The following FAM120A variants were observed in gnomAD, a reference collection of about 807,000 sequenced individuals.
FAM120A encodes the protein family with sequence similarity 120 member A, also known as constitutive coactivator of PPAR-gamma-like protein 1.
A neutral mutation model predicts 109.7 loss-of-function variants in FAM120A; 15 were observed. The observed-to-expected ratio is 0.14, with a 90% CI of 0.09 to 0.21. The LOEUF is 0.21. Ranked by LOEUF, FAM120A falls within the 10% of genes least tolerant of loss-of-function variation. FAM120A has a pLI of 1.00. For missense variants in FAM120A, 899 were observed against 1,439.3 expected, an observed-to-expected ratio of 0.62 and a Z score of 6.07; for synonymous variants, 493 against 572.8, an observed-to-expected ratio of 0.86 and a Z score of 1.99.
At chr9:93,537,810 A>G (rs1861571048) in intron 10 of FAM120A, among the ~76,000 whole-genome samples, 1 of 152,232 alleles carries the variant, frequency 6.6e-6, no homozygotes, top group African/African-American at 2.4e-5. Context: ...TGCTGATTTA[A>G]TATTGTGAAA....
At position 93,532,004 on chromosome 9, in the gene FAM120A, A is replaced by G. The variant is rs1861348174; in HGVS notation, c.1735-151A>G. The G allele has an allele frequency of 1.3e-6, 1 of 740,866 alleles. No homozygotes were observed. The highest frequency in any genetic ancestry group is 2.2e-6 in the Non-Finnish European group (1 of 448,322). The allele number at this position is 740,866 out of a possible 1,614,324, so 45.9% of individuals were successfully genotyped here. ...ACAGCCTGCCAAATGAACTCTTCCT[A>G]AACATCTTTATTTAGGCAAGTTGTT... On this transcript the variant is annotated intron_variant, in intron 9 of 17. Coordinates refer to ENST00000277165, the MANE Select transcript of FAM120A (RefSeq NM_014612.5). The surrounding 1 kb of genome is among the most constrained non-coding windows in gnomAD (Gnocchi z 4.3).
intron 12 of FAM120A, among the ~76,000 whole-genome samples, chr9:93,552,305 T>G (rs761436667): frequency 1.3e-4 from 20 of 152,224 alleles, no homozygotes; most frequent in Admixed American, 2.6e-4. Context: ...TTTGGTTCTT[T>G]TGAGATCTTA....
chr9:93,499,996 GGCCTGTGCCGAT>G (rs1284901086), intron 5 of FAM120A, among the ~76,000 whole-genome samples: 29 of 152,346 alleles, frequency 1.9e-4, no homozygotes, highest in Admixed American at 1.4e-3. Context: ...AGGGAAACAT[GGCCTGTGCCGAT>G]GCCCTGTAAT....
intron 1 of FAM120A, 55 bp from the exon 2 acceptor site, chr9:93,471,086 G>A: frequency 6.3e-7 from 1 of 1,580,516 alleles, no homozygotes; most frequent in Non-Finnish European, 8.6e-7. Context: ...TGCTTATTGA[G>A]CTTGTTGCTA....
chr9:93,493,752 G>C lies in FAM120A; in HGVS notation c.805-3719G>C, dbSNP rs1588837483. On this transcript the variant is annotated intron_variant, in intron 3 of 17. Coordinates refer to ENST00000277165, the MANE Select transcript of FAM120A (RefSeq NM_014612.5). ...CTGGGGGCCCAGTGTCCTCCTGGGG[G>C]CTTTCAGGCCCTGTGGGTTTTGGGC... is the stretch of plus-strand genomic sequence containing the variant. 2.6e-5 allele frequency among the ~76,000 whole-genome samples: 4 copies of C among 152,320 alleles called. No homozygotes were observed. In the East Asian group the frequency reaches 7.7e-4, roughly 29 times the overall value.
At chr9:93,516,400 G>A in intron 7 of FAM120A, 131 bp downstream of exon 7, 1 of 1,233,510 alleles carries the variant, frequency 8.1e-7, no homozygotes, top group Non-Finnish European at 1.1e-6. Context: ...TGGTCAGTCT[G>A]TACTCAGATG....
Position 93,452,729 on chromosome 9 carries a change from C to A in FAM120A, c.474+340C>A. 6.3e-7 allele frequency: 1 copy of A among 1,598,150 alleles called. No homozygotes were observed. Among genetic ancestry groups the A allele is most frequent in the Non-Finnish European group, 8.5e-7 (1 of 1,179,772 alleles). ...TCCCATCCTATTTGAGGCGGGCAGG[C>A]TATCACTCACCTTCAACTTTGACAA... is the stretch of plus-strand genomic sequence containing the variant. On this transcript the variant is annotated intron_variant, in intron 1 of 17. Coordinates refer to ENST00000277165, the MANE Select transcript of FAM120A (RefSeq NM_014612.5). This position sits in a 1 kb window ranked among gnomAD's most constrained non-coding sequence, Gnocchi z 7.0.
intron 1 of FAM120A, chr9:93,453,031 A>G: frequency 8.6e-7 from 1 of 1,158,116 alleles, no homozygotes; most frequent in Non-Finnish European, 1.1e-6. Flanking sequence ...TTTGTGTTAG[A>G]TTTCAAAGAC....
At chr9:93,467,738 TAG>T (rs1858112387) in intron 1 of FAM120A, among the ~76,000 whole-genome samples, 1 of 152,210 alleles carries the variant, frequency 6.6e-6, no homozygotes, top group Admixed American at 6.5e-5. Flanking sequence ...ATTTGCAAAT[TAG>T]AGTTGTACTG....
intron 13 of FAM120A, 104 bp downstream of exon 13, chr9:93,556,695 TTC>T (rs1364881504): frequency 8.0e-7 from 1 of 1,254,130 alleles, no homozygotes; most frequent in Non-Finnish European, 1.1e-6. Context: ...TGTTTCAAGA[TTC>T]TGTTTTAGGT....
At chr9:93,563,105 T>A (rs1434973792) in intron 17 of FAM120A, among the ~76,000 whole-genome samples, 1 of 152,092 alleles carries the variant, frequency 6.6e-6, no homozygotes, top group Non-Finnish European at 1.5e-5. Flanking sequence ...TGTAGGAGAG[T>A]ATGTGGGGAC....
intron 5 of FAM120A, among the ~76,000 whole-genome samples, chr9:93,515,061 A>G (rs1238600844): frequency 5.9e-5 from 9 of 152,266 alleles, no homozygotes; most frequent in Non-Finnish European, 1.3e-4. Context: ...TTATGTTTTA[A>G]GAGAACACAG....
intron 2 of FAM120A, among the ~76,000 whole-genome samples, chr9:93,474,864 A>T (rs1367812940): frequency 6.6e-6 from 1 of 152,198 alleles, no homozygotes; most frequent in Non-Finnish European, 1.5e-5. Flanking sequence ...AAGTGCTGGG[A>T]TTATAGGTGT....
intron 10 of FAM120A, among the ~76,000 whole-genome samples, chr9:93,542,467 T>G (rs1861738841): frequency 6.6e-6 from 1 of 152,236 alleles, no homozygotes; most frequent in Admixed American, 6.5e-5. Context: ...ATGTGCATGT[T>G]TATGTATTTG....
Position 93,532,428 on chromosome 9 carries a change from G to C in FAM120A, c.1909+99G>C, listed in dbSNP as rs1260715283. On this transcript the variant is annotated intron_variant, in intron 10 of 17. Transcript: ENST00000277165. The surrounding 1 kb of genome is among the most constrained non-coding windows in gnomAD (Gnocchi z 4.3). ...GAAGAATCATGACTGAGTTGACCCCGAGTGCCTCTGTGTAAAGGAGGTGGG... is the reference window on the plus strand; with the variant it reads ...GAAGAATCATGACTGAGTTGACCCCCAGTGCCTCTGTGTAAAGGAGGTGGG... 1 of 1,387,272 alleles carries C rather than the reference G, an allele frequency of 7.2e-7. No individual in the cohort carries two copies. Among genetic ancestry groups the C allele is most frequent in the Non-Finnish European group, 1.0e-6 (1 of 981,276 alleles). 85.9% of individuals were successfully genotyped at this position (1,387,272 alleles called of 1,614,324 possible). A position where few individuals can be genotyped will look rare whatever the true frequency, so the allele number is the denominator to read the frequency against.
chr9:93,491,863 A>C (rs150113978), intron 3 of FAM120A, among the ~76,000 whole-genome samples: 14 of 152,320 alleles, frequency 9.2e-5, no homozygotes, highest in African/African-American at 3.1e-4. Context: ...AAACTGATTA[A>C]AGAAAGCAGA....
rs774150537 is a variant in FAM120A, at chr9:93,545,780, C to CTTTT, written c.2159+2332_2159+2335dup. Reference sequence around the variant, plus strand: ...GAAGACTGGCTGATGGGAAAGACTCCTTTTTTTTTTTTTTTTTTTTTTTTT... The same window carrying CTTTT: ...GAAGACTGGCTGATGGGAAAGACTCCTTTTTTTTTTTTTTTTTTTTTTTTTTTTT... On this transcript the variant is annotated intron_variant, in intron 11 of 17. Coordinates refer to ENST00000277165, the MANE Select transcript of FAM120A (RefSeq NM_014612.5). Among the ~76,000 whole-genome samples, 346 of 65,506 alleles carry CTTTT rather than the reference C, an allele frequency of 5.3e-3. 56 individuals carry two copies. Among genetic ancestry groups the CTTTT allele is most frequent in the African/African-American group, 0.02 (318 of 16,096 alleles). 43.0% of individuals were successfully genotyped at this position (65,506 alleles called of 152,430 possible).
At chr9:93,518,091 TG>T (rs1270886609) in intron 7 of FAM120A, among the ~76,000 whole-genome samples, 1 of 152,200 alleles carries the variant, frequency 6.6e-6, no homozygotes, top group African/African-American at 2.4e-5. Flanking sequence ...CCTTGTGGTA[TG>T]AAGTGCCATG....
chr9:93,556,596 G>A lies in FAM120A; in HGVS notation c.2484+5G>A. 6.2e-7 allele frequency: 1 copy of A among 1,613,880 alleles called. No individual in the cohort carries two copies. Among genetic ancestry groups the A allele is most frequent in the Non-Finnish European group, 8.5e-7 (1 of 1,179,712 alleles). On this transcript the variant is annotated splice_donor_5th_base_variant and intron_variant, in intron 13 of 17. Coordinates refer to ENST00000277165, the MANE Select transcript of FAM120A (RefSeq NM_014612.5). ...ATTGACCTCTGTGATGGTCAGGTAT[G>A]CTGCGGGGCCGGGTGGCTGCCTTTA...
Sources: allele counts gnomAD v4.1 joint callset (sites outside exome capture counted in the v4.1 genomes callset), GRCh38; gene constraint gnomAD v4.1.1; non-coding constraint Gnocchi (gnomAD v3.1); transcripts MANE v1.5; gene names NCBI Gene and HGNC (gene_info 2026-07-23, HGNC 2026-07-21).